Variants in COL4A3 observed in about 807,000 individuals in gnomAD.
The protein encoded by COL4A3 is collagen type IV alpha 3 chain, also known as collagen alpha-3(IV) chain.
In COL4A3, 135 loss-of-function variants were observed where a neutral mutation model predicts 217.4. The ratio of observed to expected loss-of-function variants is 0.62; its 90% confidence interval spans 0.54 to 0.72. The LOEUF (loss-of-function observed/expected upper bound fraction) is 0.72. COL4A3 is among the 30% of genes least tolerant of loss of function. COL4A3 has a pLI of 0.00. For synonymous variants in COL4A3, 690 were observed against 736.3 expected (o/e 0.94, Z 1.02); for missense variants, 1,868 against 2,119.9 (o/e 0.88, Z 2.33).
chr2:227,234,787 T>A (rs1488185752), intron 1 of COL4A3, among the ~76,000 whole-genome samples: 1 of 152,168 alleles, frequency 6.6e-6, no homozygotes, highest in Non-Finnish European at 1.5e-5. Context: ...TCCAGTAGCA[T>A]ATGGTGAATG....
intron 43 of COL4A3, among the ~76,000 whole-genome samples, chr2:227,302,548 A>C (rs1312774274): frequency 6.6e-6 from 1 of 151,888 alleles, no homozygotes; most frequent in Non-Finnish European, 1.5e-5. Context: ...GTGGTGGTGC[A>C]TGCCTATAAT....
intron 36 of COL4A3, among the ~76,000 whole-genome samples, 189 bp downstream of exon 36, chr2:227,290,277 C>A (rs1034897844): frequency 6.6e-6 from 1 of 152,230 alleles, no homozygotes; most frequent in Non-Finnish European, 1.5e-5. Flanking sequence ...GCAAGCAGAT[C>A]ACCTGAGGTC....
chr2:227,273,268 T>C (rs2071353788), intron 26 of COL4A3, 151 bp downstream of exon 26: 2 of 867,856 alleles, frequency 2.3e-6, no homozygotes, highest in East Asian at 2.7e-5. Context: ...AAAGAATATG[T>C]AGGGTATGTT....
intron 31 of COL4A3, among the ~76,000 whole-genome samples, chr2:227,281,275 GGT>G (rs1391509657): frequency 2.0e-5 from 3 of 152,010 alleles, no homozygotes; most frequent in African/African-American, 7.3e-5. Flanking sequence ...GACAGAGATT[GGT>G]GTGTGTTTAC....
intron 1 of COL4A3, among the ~76,000 whole-genome samples, chr2:227,206,898 G>T (rs2067123358): frequency 6.6e-6 from 1 of 152,160 alleles, no homozygotes; most frequent in Non-Finnish European, 1.5e-5. Context: ...AGGTTTGTTT[G>T]CTCATCTAGA....
intron 25 of COL4A3, among the ~76,000 whole-genome samples, chr2:227,271,566 G>A (rs1166372568): frequency 6.8e-6 from 1 of 146,950 alleles, no homozygotes; most frequent in Admixed American, 7.1e-5. Flanking sequence ...TCCATCTCCT[G>A]GGTTCAAGTG....
In COL4A3 at chr2:227,191,453, C is replaced by G. The variant is rs1051940958; in HGVS notation, c.87+26640C>G. 2.0e-5 allele frequency among the ~76,000 whole-genome samples: 3 copies of G among 152,196 alleles called. No homozygotes were observed. The highest frequency in any genetic ancestry group is 4.8e-5 in the African/African-American group (2 of 41,430). ...TTGAAAAGCAGTTCACAAAATCACT[C>G]TTTACCAGCCACATACAAATGTTGA... On this transcript the variant is annotated intron_variant, in intron 1 of 51. Transcript: ENST00000396578. The surrounding 1 kb of genome is among the most constrained non-coding windows in gnomAD (Gnocchi z 6.8).
At chr2:227,222,171 TGATAATAA>T (rs372995883) in intron 1 of COL4A3, among the ~76,000 whole-genome samples, 9,395 of 80,018 alleles carry the variant, frequency 0.12, 511 homozygotes, top group Admixed American at 0.18. Context: ...ATAATGATAA[TGATAATAA>T]AAAGCTCCTT....
At chr2:227,249,228 A>ATTTTTTTTTTTTTTT (rs1437063843) in intron 9 of COL4A3, among the ~76,000 whole-genome samples, 4 of 22,188 alleles carry the variant, frequency 1.8e-4, no homozygotes, top group Admixed American at 4.0e-4. Flanking sequence ...ATATATATAT[A>ATTTTTTTTTTTTTTT]TATTTTTTTT....
chr2:227,237,381 G>A (rs2068760236), intron 1 of COL4A3, among the ~76,000 whole-genome samples: 1 of 152,160 alleles, frequency 6.6e-6, no homozygotes, highest in African/African-American at 2.4e-5. Context: ...TAAGGTTGGT[G>A]CAAAAGTTAT....
In COL4A3 at chr2:227,279,192, C is replaced by T. The variant is rs183148028; in HGVS notation, c.2126-601C>T. On this transcript the variant is annotated intron_variant, in intron 28 of 51. Transcript: ENST00000396578. ...CTCCTGGGTTCAAGCGATTCTCCTG[C>T]CTCAGCCTCCCGAGTAGCTGGGATT... is the stretch of plus-strand genomic sequence containing the variant. Among the ~76,000 whole-genome samples, 46 of 152,040 alleles carry T rather than the reference C, an allele frequency of 3.0e-4. No individual in the cohort carries two copies. In the East Asian group the frequency reaches 8.1e-3, roughly 27 times the overall value.
intron 1 of COL4A3, among the ~76,000 whole-genome samples, chr2:227,208,765 T>TACACACACACACACAC (rs60244094): frequency 6.5e-5 from 9 of 138,598 alleles, no homozygotes; most frequent in South Asian, 4.8e-4. Flanking sequence ...GGCGGTTGGT[T>TACACACACACACACAC]ACACACACAC....
chr2:227,250,382 AG>A lies in COL4A3; in HGVS notation c.547-757del, dbSNP rs2069669699. 6.6e-6 allele frequency among the ~76,000 whole-genome samples: 1 copy of A among 151,682 alleles called. No individual in the cohort carries two copies. Among genetic ancestry groups the A allele is most frequent in the Admixed American group, 6.6e-5 (1 of 15,226 alleles). On this transcript the variant is annotated intron_variant, in intron 9 of 51. Transcript: ENST00000396578. The surrounding 1 kb of genome is among the most constrained non-coding windows in gnomAD (Gnocchi z 4.1). The stretch of plus-strand genomic sequence containing the variant: ...TAGATAGATAGATAGATAGATAGAT[AG>A]ATATTTAAAAATTGTATGAACCAGG...
chr2:227,314,344 C>A lies in COL4A3; in HGVS notation c.*2474C>A, dbSNP rs190533664. On this transcript the variant is annotated 3_prime_UTR_variant, in exon 52 of 52. Coordinates refer to ENST00000396578, the MANE Select transcript of COL4A3 (RefSeq NM_000091.5). ...CTTTACTTAGCAGTAAATTATAGCT[C>A]ATGTGCATTATTTTCCAGATAACTT... 2.8e-4 allele frequency: 43 copies of A among 152,750 alleles called. No individual in the cohort carries two copies. The highest frequency in any genetic ancestry group is 1.0e-3 in the African/African-American group (42 of 41,570). The allele number at this position is 152,750 out of a possible 1,614,324, so 9.5% of individuals were successfully genotyped here.
rs2071387214 is a variant in COL4A3 at position 227,273,833 on chromosome 2, T to C, written c.1927+716T>C. ...TTAAAAGTCCAGGTAACTTTTGGGA[T>C]ATACATATACTGGCCGTAGTTCTGG... is the stretch of plus-strand genomic sequence containing the variant. On this transcript the variant is annotated intron_variant, in intron 26 of 51. Transcript: ENST00000396578. 2.6e-5 allele frequency among the ~76,000 whole-genome samples: 4 copies of C among 152,192 alleles called. No homozygotes were observed. The South Asian group carries it at 8.3e-4, about 31-fold the overall frequency.
intron 19 of COL4A3, 111 bp downstream of exon 19, chr2:227,259,988 A>G: frequency 1.2e-6 from 1 of 808,378 alleles, no homozygotes; most frequent in Non-Finnish European, 2.2e-6. Context: ...AAGGGAACAG[A>G]GATCTCTTCA....
At chr2:227,260,902 G>C (rs926661366) in intron 19 of COL4A3, among the ~76,000 whole-genome samples, 180 bp from the exon 20 acceptor site, 1 of 152,172 alleles carries the variant, frequency 6.6e-6, no homozygotes, top group Non-Finnish European at 1.5e-5. Flanking sequence ...AGACTTCCAA[G>C]ATTAGTTTTC....
At chr2:227,189,688 C>T (rs941121410) in intron 1 of COL4A3, among the ~76,000 whole-genome samples, 2 of 152,148 alleles carry the variant, frequency 1.3e-5, no homozygotes, top group African/African-American at 4.8e-5. Flanking sequence ...TAAAACTCTC[C>T]ATTCAAAATA....
At chr2:227,239,929 C>T (rs953343511) in intron 2 of COL4A3, among the ~76,000 whole-genome samples, 2 of 152,198 alleles carry the variant, frequency 1.3e-5, no homozygotes, top group Non-Finnish European at 1.5e-5. Flanking sequence ...AGAGCCACCA[C>T]TTTCAAGCCT....
Sources: allele counts gnomAD v4.1 joint callset (sites outside exome capture counted in the v4.1 genomes callset), GRCh38; gene constraint gnomAD v4.1.1; non-coding constraint Gnocchi (gnomAD v3.1); transcripts MANE v1.5; gene names NCBI Gene and HGNC (gene_info 2026-07-23, HGNC 2026-07-21).